DYNAP: variants seen among roughly 807,000 people sequenced by gnomAD.
The protein encoded by DYNAP is dynactin-associated protein.
In DYNAP, 7 loss-of-function variants were observed where a neutral mutation model predicts 8.5. That is an observed-to-expected ratio of 0.82 (90% CI 0.47 to 1.54). The LOEUF (loss-of-function observed/expected upper bound fraction) is 1.54, where lower values mean the gene tolerates loss of function less well. Ranked by LOEUF, DYNAP falls within the 40% of genes most tolerant of loss-of-function variation. The pLI is 0.01. For synonymous variants in DYNAP, 77 were observed against 77.9 expected (o/e 0.99, Z 0.06); for missense variants, 256 against 224.3 (o/e 1.14, Z -0.90).
In DYNAP at chr18:54,598,936, A is replaced by T. The variant is rs1380322060; in HGVS notation, c.*791A>T. On this transcript the variant is annotated 3_prime_UTR_variant, in exon 3 of 3. Coordinates refer to ENST00000648945, the MANE Select transcript of DYNAP (RefSeq NM_173629.3). ...TTGATCTCCACAATCCTTTATCTTA[A>T]CCTGAACATTCCTTTCCATGGATCT... 6.6e-6 allele frequency: 1 copy of T among 152,190 alleles called. No homozygotes were observed. Among genetic ancestry groups the T allele is most frequent in the East Asian group, 1.9e-4 (1 of 5,178 alleles). 9.4% of individuals were successfully genotyped at this position (152,190 alleles called of 1,614,324 possible).
chr18:54,589,030 C>T (rs1025902822), upstream of DYNAP, among the ~76,000 whole-genome samples: 2 of 151,874 alleles, frequency 1.3e-5, no homozygotes, highest in Admixed American at 6.6e-5. Context: ...ATCACATGGC[C>T]GAAGCTGTCA....
At chr18:54,578,867 T>A in the DYNAP span, among the ~76,000 whole-genome samples, 1 of 152,160 alleles carries the variant, frequency 6.6e-6, no homozygotes, top group African/African-American at 2.4e-5. Context: ...TGGCACAATC[T>A]TGGCTCACTG....
chr18:54,585,841 C>T (rs1312789405), upstream of DYNAP, among the ~76,000 whole-genome samples: 1 of 152,156 alleles, frequency 6.6e-6, no homozygotes, highest in Admixed American at 6.5e-5. Flanking sequence ...TCTTTTACCA[C>T]CCCATTCTCC....
chr18:54,582,976 A>G (rs542841398), upstream of DYNAP, among the ~76,000 whole-genome samples: 8 of 152,258 alleles, frequency 5.3e-5, no homozygotes, highest in African/African-American at 1.9e-4. Context: ...TTCAACAACC[A>G]TCAACGCTTT....
upstream of DYNAP, among the ~76,000 whole-genome samples, chr18:54,585,349 A>G (rs192558184): frequency 1.4e-4 from 21 of 152,184 alleles, no homozygotes; most frequent in Non-Finnish European, 2.4e-4. Flanking sequence ...TTCATATTTT[A>G]AAATTCACAT....
Position 54,598,200 on chromosome 18 carries a change from C to T in DYNAP, c.*55C>T. The T allele has an allele frequency of 6.5e-7, 1 of 1,537,390 alleles. No homozygotes were observed. Among genetic ancestry groups the T allele is most frequent in the Non-Finnish European group, 8.8e-7 (1 of 1,134,310 alleles). On this transcript the variant is annotated 3_prime_UTR_variant, in exon 3 of 3. Coordinates refer to ENST00000648945, the MANE Select transcript of DYNAP (RefSeq NM_173629.3). ...GAAACTTCAACCTCTACCACTTCAA[C>T]TCAGTTTGCAACTATAATAGCTACT... is the stretch of plus-strand genomic sequence containing the variant.
At chr18:54,586,853 G>A (rs544828731), upstream of DYNAP, among the ~76,000 whole-genome samples, 28 of 152,290 alleles carry the variant, frequency 1.8e-4, no homozygotes, top group South Asian at 2.5e-3. Flanking sequence ...GGACATAAAC[G>A]TTTCTATAAT....
upstream of DYNAP, among the ~76,000 whole-genome samples, chr18:54,587,441 T>C (rs1386826508): frequency 1.3e-5 from 2 of 152,132 alleles, no homozygotes; most frequent in East Asian, 3.9e-4. Flanking sequence ...AAAGCTTGAG[T>C]TAAATATGTT....
At chr18:54,587,982 T>C (rs1910938991), upstream of DYNAP, 1 of 395,680 alleles carries the variant, frequency 2.5e-6, no homozygotes, top group South Asian at 1.3e-4. Context: ...TGGTCCTTTC[T>C]CTAATTCCAA....
chr18:54,579,806 C>T, the DYNAP span, among the ~76,000 whole-genome samples: 1 of 152,176 alleles, frequency 6.6e-6, no homozygotes, highest in African/African-American at 2.4e-5. Flanking sequence ...TGAAAGCACT[C>T]CAGTTAAATA....
chr18:54,582,457 A>G, the DYNAP span, among the ~76,000 whole-genome samples: 8 of 152,270 alleles, frequency 5.3e-5, no homozygotes, highest in Non-Finnish European at 1.2e-4. Context: ...TTTTATAACA[A>G]TAGTAACTTT....
At chr18:54,594,391 A>G (rs1911201075) in intron 1 of DYNAP, among the ~76,000 whole-genome samples, 1 of 152,258 alleles carries the variant, frequency 6.6e-6, no homozygotes, top group South Asian at 2.1e-4. Context: ...ATCATGTAGT[A>G]TAGTATATAC....
In DYNAP at chr18:54,597,850, A is replaced by G. The variant is rs1300724665; in HGVS notation, c.260A>G (p.Lys87Arg). The change falls in exon 3 of 3, where the codon AAA (lysine) becomes AGA (arginine). Residue 87 changes from lysine (K) to arginine (R), a missense_variant. Transcript: ENST00000648945. ...EYCRNDWSMW[K>R]VFLACLLACV... ...TGCCGCAATGACTGGTCTATGTGGA[A>G]AGTCTTCCTGGCTTGTCTCTTAGCC... The G allele has an allele frequency of 1.9e-6, 3 of 1,612,664 alleles. No homozygotes were observed. Among genetic ancestry groups the G allele is most frequent in the Non-Finnish European group, 2.5e-6 (3 of 1,178,958 alleles).
chr18:54,587,471 A>T (rs1287363668), upstream of DYNAP, among the ~76,000 whole-genome samples: 4 of 152,340 alleles, frequency 2.6e-5, no homozygotes, highest in East Asian at 1.9e-4. Flanking sequence ...AAATTTTTTT[A>T]AATTTTATGA....
upstream of DYNAP, among the ~76,000 whole-genome samples, chr18:54,587,506 A>G (rs1910920242): frequency 6.6e-6 from 1 of 152,220 alleles, no homozygotes; most frequent in African/African-American, 2.4e-5. Context: ...ATTGCATATT[A>G]CACAACACGT....
chr18:54,595,000 A>C lies in DYNAP; in HGVS notation c.119A>C (p.Asn40Thr). ...HSSICWCLPS[N>T]DITSDVSPNL... Reference sequence around the variant, plus strand: ...TCCATATGCTGGTGTCTACCTTCAAATGATATAACCAGTGATGTCTCTCCC... The same window carrying C: ...TCCATATGCTGGTGTCTACCTTCAACTGATATAACCAGTGATGTCTCTCCC... Residue 40 changes from asparagine to threonine, a missense_variant, in exon 2 of 3, where the codon AAT becomes ACT. Physicochemically the swap from Asn to Thr is moderately conservative, Grantham distance 65. Coordinates refer to ENST00000648945, the MANE Select transcript of DYNAP (RefSeq NM_173629.3). 1 of 1,612,794 alleles carries C rather than the reference A, an allele frequency of 6.2e-7. No homozygotes were observed. Among genetic ancestry groups the C allele is most frequent in the South Asian group, 1.1e-5 (1 of 90,986 alleles).
At chr18:54,586,645 G>C (rs1297587524), upstream of DYNAP, among the ~76,000 whole-genome samples, 1 of 152,170 alleles carries the variant, frequency 6.6e-6, no homozygotes, top group Non-Finnish European at 1.5e-5. Context: ...AGGGCTCAGT[G>C]TGGTACACAC....
rs1911408522 is a variant in DYNAP at position 54,598,471 on chromosome 18, T to C, written c.*326T>C. ...CTACAGTAACAATGCTCATCACTCT[T>C]TTCCAACAATGTATAATCTCCACCT... On this transcript the variant is annotated 3_prime_UTR_variant, in exon 3 of 3. Transcript: ENST00000648945. 1.2e-5 allele frequency: 3 copies of C among 251,082 alleles called. No homozygotes were observed. Among genetic ancestry groups the C allele is most frequent in the African/African-American group, 6.5e-5 (3 of 45,988 alleles). 15.6% of individuals were successfully genotyped at this position (251,082 alleles called of 1,614,324 possible). A position where few individuals can be genotyped will look rare whatever the true frequency, so the allele number is the denominator to read the frequency against.
At chr18:54,588,822 T>G (rs1172992890), upstream of DYNAP, among the ~76,000 whole-genome samples, 2 of 152,220 alleles carry the variant, frequency 1.3e-5, no homozygotes, top group Non-Finnish European at 2.9e-5. Context: ...TCAGTTTTTA[T>G]TCTTACTTTT....
Sources: allele counts gnomAD v4.1 joint callset (sites outside exome capture counted in the v4.1 genomes callset), GRCh38; gene constraint gnomAD v4.1.1; transcripts MANE v1.5; gene names NCBI Gene and HGNC (gene_info 2026-07-23, HGNC 2026-07-21).